Variants in GALNTL6 observed in about 807,000 individuals in gnomAD.
GALNTL6 encodes the protein polypeptide N-acetylgalactosaminyltransferase-like 6.
A neutral mutation model predicts 73.7 loss-of-function variants in GALNTL6; 46 were observed. That is an observed-to-expected ratio of 0.62 (90% confidence interval 0.49 to 0.80). The LOEUF (loss-of-function observed/expected upper bound fraction) is 0.80. GALNTL6 is among the 30% of genes least tolerant of loss of function. The pLI is 0.00. For missense variants in GALNTL6, 604 were observed against 755.0 expected (o/e 0.80, Z 2.34); for synonymous variants, 259 against 263.7 (o/e 0.98, Z 0.17).
chr4:172,849,793 T>A (rs1743716708), intron 7 of GALNTL6, among the ~76,000 whole-genome samples: 2 of 152,204 alleles, frequency 1.3e-5, no homozygotes, highest in South Asian at 4.1e-4. Flanking sequence ...ACTGTTTGAT[T>A]TGTCGTGCTG....
chr4:172,394,184 T>A (rs1743764467), intron 5 of GALNTL6, among the ~76,000 whole-genome samples: 1 of 152,086 alleles, frequency 6.6e-6, no homozygotes, highest in Admixed American at 6.5e-5. Flanking sequence ...TAATTTAAAC[T>A]AATTACTATA....
chr4:171,813,710 C>T lies in GALNTL6; in HGVS notation c.-450C>T, dbSNP rs1306739993. The T allele has an allele frequency of 6.6e-6, 1 of 152,270 alleles. No individual in the cohort carries two copies. Among genetic ancestry groups the T allele is most frequent in the East Asian group, 1.9e-4 (1 of 5,190 alleles). 9.4% of individuals were successfully genotyped at this position (152,270 alleles called of 1,614,324 possible). A position where few individuals can be genotyped will look rare whatever the true frequency, so the allele number is the denominator to read the frequency against. ...GAAGGGACGAGATTGATGGGCAGAGCGCTCACTTCTCAGAGGATCGCATTC... is the reference window on the plus strand; with the variant it reads ...GAAGGGACGAGATTGATGGGCAGAGTGCTCACTTCTCAGAGGATCGCATTC... On this transcript the variant is annotated 5_prime_UTR_variant, in exon 1 of 13. Coordinates refer to ENST00000506823, the MANE Select transcript of GALNTL6 (RefSeq NM_001034845.3). This position sits in a 1 kb window ranked among gnomAD's most constrained non-coding sequence, Gnocchi z 5.2.
intron 5 of GALNTL6, among the ~76,000 whole-genome samples, chr4:172,594,107 G>T (rs1478755937): frequency 1.3e-5 from 2 of 152,122 alleles, no homozygotes; most frequent in Admixed American, 6.5e-5. Flanking sequence ...AGCACTTTGG[G>T]AGGCCGAGGC....
intron 5 of GALNTL6, among the ~76,000 whole-genome samples, chr4:172,616,929 A>C (rs1329025037): frequency 6.6e-6 from 1 of 152,160 alleles, no homozygotes; most frequent in Admixed American, 6.6e-5. Flanking sequence ...CCTTTCCAAG[A>C]GTCTAGAATT....
chr4:172,866,270 G>A (rs1370298895), intron 7 of GALNTL6, among the ~76,000 whole-genome samples: 1 of 152,186 alleles, frequency 6.6e-6, no homozygotes, highest in Non-Finnish European at 1.5e-5. Context: ...CTGGGATGGT[G>A]TGTGTGAGTG....
chr4:172,147,966 T>A (rs1579184449), intron 2 of GALNTL6, among the ~76,000 whole-genome samples: 2 of 152,160 alleles, frequency 1.3e-5, no homozygotes, highest in Non-Finnish European at 2.9e-5. Flanking sequence ...TTGATCTTTA[T>A]TACTTATAAG....
intron 2 of GALNTL6, among the ~76,000 whole-genome samples, chr4:172,045,168 C>T (rs1742183705): frequency 6.6e-6 from 1 of 151,850 alleles, no homozygotes; most frequent in African/African-American, 2.4e-5. Context: ...ATGCTTGAAA[C>T]AATGTTTAAT....
At chr4:172,438,677 A>G (rs1731725088) in intron 5 of GALNTL6, among the ~76,000 whole-genome samples, 1 of 152,036 alleles carries the variant, frequency 6.6e-6, no homozygotes, top group African/African-American at 2.4e-5. Flanking sequence ...ATTCACAACC[A>G]TGTTGACAGG....
intron 5 of GALNTL6, among the ~76,000 whole-genome samples, chr4:172,384,417 A>AT (rs1055017251): frequency 3.3e-5 from 5 of 151,024 alleles, no homozygotes; most frequent in African/African-American, 9.7e-5. Context: ...TTCCCTCTTA[A>AT]TTTTTTTTTA....
At chr4:172,779,746 A>G (rs1327876618) in intron 5 of GALNTL6, among the ~76,000 whole-genome samples, 1 of 152,204 alleles carries the variant, frequency 6.6e-6, no homozygotes, top group African/African-American at 2.4e-5. Context: ...TACTGACAGC[A>G]ATTGTGACAA....
At chr4:171,937,274 T>C (rs1398007054) in intron 2 of GALNTL6, among the ~76,000 whole-genome samples, 2 of 152,162 alleles carry the variant, frequency 1.3e-5, no homozygotes, top group Non-Finnish European at 2.9e-5. Context: ...ACTATTGCTA[T>C]TTTATTAATA....
intron 5 of GALNTL6, among the ~76,000 whole-genome samples, chr4:172,716,584 ATATCCC>A (rs1010003963): frequency 2.6e-4 from 40 of 152,248 alleles, no homozygotes; most frequent in African/African-American, 9.6e-4. Flanking sequence ...GAGGATAAAT[ATATCCC>A]TAGACCCACA....
intron 2 of GALNTL6, among the ~76,000 whole-genome samples, chr4:172,005,262 C>G (rs934971717): frequency 1.3e-5 from 2 of 151,896 alleles, no homozygotes; most frequent in Non-Finnish European, 2.9e-5. Context: ...ATAGCTGGGA[C>G]CACAGGTATG....
Position 173,030,075 on chromosome 4 carries a change from G to A in GALNTL6, c.1638+8450G>A, listed in dbSNP as rs537753630. Among the ~76,000 whole-genome samples, 3 of 152,182 alleles carry A rather than the reference G, an allele frequency of 2.0e-5. No homozygotes were observed. The South Asian group carries it at 6.2e-4, about 32-fold the overall frequency. ...AGCTTGCCCATAAGAAAACAAAATT[G>A]GACTCTTCAAACATCTTGCTGAAAA... On this transcript the variant is annotated intron_variant, in intron 12 of 12. Coordinates refer to ENST00000506823, the MANE Select transcript of GALNTL6 (RefSeq NM_001034845.3).
At chr4:171,853,902 G>T (rs766111011) in intron 2 of GALNTL6, among the ~76,000 whole-genome samples, 1 of 151,876 alleles carries the variant, frequency 6.6e-6, no homozygotes, top group South Asian at 2.1e-4. Context: ...GTGAGCCACC[G>T]CGCCTGGCCT....
chr4:172,003,240 G>T (rs1186076664), intron 2 of GALNTL6, among the ~76,000 whole-genome samples: 1 of 151,920 alleles, frequency 6.6e-6, no homozygotes, highest in African/African-American at 2.4e-5. Context: ...ACTTGTATTT[G>T]AAATTATTAC....
At chr4:172,977,597 G>A (rs972043916) in intron 10 of GALNTL6, among the ~76,000 whole-genome samples, 6 of 152,212 alleles carry the variant, frequency 3.9e-5, no homozygotes, top group Non-Finnish European at 8.8e-5. Flanking sequence ...GTTTGGTGCA[G>A]AATACACTGC....
intron 2 of GALNTL6, among the ~76,000 whole-genome samples, chr4:171,989,461 C>T (rs1402088781): frequency 6.6e-6 from 1 of 152,190 alleles, no homozygotes; most frequent in Non-Finnish European, 1.5e-5. Flanking sequence ...GTGGGCATTC[C>T]TTGGCCCAGT....
chr4:172,441,716 T>C (rs996475139), intron 5 of GALNTL6, among the ~76,000 whole-genome samples: 6 of 152,126 alleles, frequency 3.9e-5, no homozygotes, highest in South Asian at 4.1e-4. Flanking sequence ...TGTTAGAATA[T>C]GATTGTCCCT....
Sources: allele counts gnomAD v4.1 joint callset (sites outside exome capture counted in the v4.1 genomes callset), GRCh38; gene constraint gnomAD v4.1.1; non-coding constraint Gnocchi (gnomAD v3.1); transcripts MANE v1.5; gene names NCBI Gene and HGNC (gene_info 2026-07-23, HGNC 2026-07-21).